The following TEX2 variants were observed in gnomAD, a reference collection of about 807,000 sequenced individuals.
The protein encoded by TEX2 is testis-expressed protein 2.
In TEX2, 53 loss-of-function variants were observed where a neutral mutation model predicts 106.9. The observed-to-expected ratio is 0.50, with a 90% CI of 0.40 to 0.62. The LOEUF is 0.62. TEX2 is among the 20% of genes least tolerant of loss of function. TEX2 has a pLI of 0.00. For synonymous variants in TEX2, 523 were observed against 534.8 expected, an observed-to-expected ratio of 0.98 and a Z score of 0.30; for missense variants, 1,207 against 1,379.0, an observed-to-expected ratio of 0.88 and a Z score of 1.98.
intron 2 of TEX2, among the ~76,000 whole-genome samples, chr17:64,208,428 G>T (rs1555631092): frequency 6.6e-6 from 1 of 151,636 alleles, no homozygotes; most frequent in East Asian, 2.0e-4. Flanking sequence ...TTATAGAGAT[G>T]GTGGTCCCAC....
chr17:64,220,106 A>T (rs1261432863), intron 1 of TEX2, among the ~76,000 whole-genome samples: 2 of 152,228 alleles, frequency 1.3e-5, no homozygotes, highest in African/African-American at 4.8e-5. Flanking sequence ...GGAGGGGAAG[A>T]AAATATCTGC....
chr17:64,260,704 T>C (rs1555638428), intron 1 of TEX2, among the ~76,000 whole-genome samples: 2 of 152,218 alleles, frequency 1.3e-5, no homozygotes, highest in Admixed American at 1.3e-4. Context: ...CTCTTTTCTA[T>C]ACTAGTCTTC....
intron 1 of TEX2, among the ~76,000 whole-genome samples, chr17:64,228,169 T>C (rs1334943849): frequency 6.6e-6 from 1 of 152,108 alleles, no homozygotes; most frequent in African/African-American, 2.4e-5. Flanking sequence ...ATAAAAAATA[T>C]ATAATTTCAA....
At chr17:64,232,328 C>CT (rs2033677267) in intron 1 of TEX2, among the ~76,000 whole-genome samples, 1 of 152,004 alleles carries the variant, frequency 6.6e-6, no homozygotes, top group Non-Finnish European at 1.5e-5. Context: ...TCATCAACCT[C>CT]TTTTTTTTCT....
rs2033213763 is a variant in TEX2 at position 64,217,298 on chromosome 17, A to T, written c.-25-3056T>A. Among the ~76,000 whole-genome samples the T allele has an allele frequency of 6.6e-6, 1 of 152,138 alleles. No individual in the cohort carries two copies. Among genetic ancestry groups the T allele is most frequent in the Non-Finnish European group, 1.5e-5 (1 of 68,026 alleles). ...TCCCAGTGGCTGGCTGCTAAGGCCAACTGAGCCGACCCTCCCACAGCCACA... is the reference window on the plus strand; with the variant it reads ...TCCCAGTGGCTGGCTGCTAAGGCCATCTGAGCCGACCCTCCCACAGCCACA... On this transcript the variant is annotated intron_variant, in intron 1 of 11. Coordinates refer to ENST00000584379, the MANE Select transcript of TEX2 (RefSeq NM_001288732.2). The surrounding 1 kb of genome is among the most constrained non-coding windows in gnomAD (Gnocchi z 4.3).
Position 64,213,852 on chromosome 17 carries a change from T to G in TEX2, c.366A>C (p.Pro122=), listed in dbSNP as rs782128818. Residue 122 remains proline (P), a synonymous_variant, in exon 2 of 12, where the codon CCA becomes CCC. Transcript: ENST00000584379. This position sits in a 1 kb window ranked among gnomAD's most constrained non-coding sequence, Gnocchi z 4.4. ...GCACTGTACTTAATACTTGTGCTGC[T>G]GGAACAGGGGACTCCAACAGCTTTA... The part of the protein sequence containing the change: ...NTVKLLESPV[P]AAQVLSTVPL... The G allele has an allele frequency of 1.2e-6, 2 of 1,614,210 alleles. No individual in the cohort carries two copies. Among genetic ancestry groups the G allele is most frequent in the Admixed American group, 1.7e-5 (1 of 60,018 alleles).
At chr17:64,163,923 C>T (rs1453241512) in intron 7 of TEX2, among the ~76,000 whole-genome samples, 1 of 152,196 alleles carries the variant, frequency 6.6e-6, no homozygotes, top group African/African-American at 2.4e-5. Context: ...ACTGAAAATA[C>T]TTTCTATAAC....
chr17:64,178,004 G>T (rs968796762), intron 5 of TEX2, among the ~76,000 whole-genome samples: 1 of 152,112 alleles, frequency 6.6e-6, no homozygotes, highest in African/African-American at 2.4e-5. Context: ...GATTTCAGTG[G>T]GCATCAGGAG....
chr17:64,214,015 C>T lies in TEX2; in HGVS notation c.203G>A (p.Gly68Glu). 1 of 1,614,206 alleles carries T rather than the reference C, an allele frequency of 6.2e-7. No individual in the cohort carries two copies. Among genetic ancestry groups the T allele is most frequent in the Non-Finnish European group, 8.5e-7 (1 of 1,180,036 alleles). Residue 68 changes from glycine (G) to glutamate (E), a missense_variant, in exon 2 of 12, where the codon GGG becomes GAG. Gly to Glu is a moderately conservative substitution (Grantham distance 98). This residue lies in a region of TEX2 where 1,067 missense variants were observed against 1,193.6 expected (regional missense o/e 0.89). Transcript: ENST00000584379. ...ATAGAGGTCTTCCTTGGCTTCCAGC[C>T]CTGTTACAATGCTTTGGTCATCCAG... Reference protein sequence around the residue: ...EGLDDQSIVTGLEAKEDLYLE... With the variant: ...EGLDDQSIVTELEAKEDLYLE...
intron 1 of TEX2, among the ~76,000 whole-genome samples, chr17:64,258,297 T>C (rs2034223008): frequency 6.6e-6 from 1 of 152,102 alleles, no homozygotes; most frequent in South Asian, 2.1e-4. Context: ...TATACATGCA[T>C]AGGAAAAAAA....
chr17:64,205,474 C>T lies in TEX2; in HGVS notation c.1644+7100G>A, dbSNP rs965656614. On this transcript the variant is annotated intron_variant, in intron 2 of 11. Transcript: ENST00000584379. This position sits in a 1 kb window ranked among gnomAD's most constrained non-coding sequence, Gnocchi z 4.0. ...TATAATGTAGAAAGAAATGCACTCACATTTCTTGTCCTTACTCTAAGTTAT... is the reference window on the plus strand; with the variant it reads ...TATAATGTAGAAAGAAATGCACTCATATTTCTTGTCCTTACTCTAAGTTAT... Among the ~76,000 whole-genome samples, 8 of 152,176 alleles carry T rather than the reference C, an allele frequency of 5.3e-5. No homozygotes were observed. The highest frequency in any genetic ancestry group is 1.2e-4 in the Non-Finnish European group (8 of 68,032).
At chr17:64,236,541 A>C (rs1417082634) in intron 1 of TEX2, among the ~76,000 whole-genome samples, 1 of 152,200 alleles carries the variant, frequency 6.6e-6, no homozygotes, top group Non-Finnish European at 1.5e-5. Flanking sequence ...TGTCTCAAAA[A>C]ATTAATTAAT....
chr17:64,240,233 ATGTGTG>A (rs67965706), intron 1 of TEX2, among the ~76,000 whole-genome samples: 7 of 147,320 alleles, frequency 4.8e-5, no homozygotes, highest in Non-Finnish European at 9.0e-5. Context: ...GTATATGCAG[ATGTGTG>A]TGTGTGTGTG....
Position 64,153,285 on chromosome 17 carries a change from G to T in TEX2, c.2931-131C>A. On this transcript the variant is annotated intron_variant, in intron 9 of 11. Transcript: ENST00000584379. This position sits in a 1 kb window ranked among gnomAD's most constrained non-coding sequence, Gnocchi z 4.1. The stretch of plus-strand genomic sequence containing the variant: ...TTGGATGTGGTGATTCTGTGTTGGG[G>T]CGGGGGGCATCCTGTGCATTGCAGG... 1 of 671,768 alleles carries T rather than the reference G, an allele frequency of 1.5e-6. No individual in the cohort carries two copies. Among genetic ancestry groups the T allele is most frequent in the Non-Finnish European group, 2.6e-6 (1 of 390,302 alleles). 41.6% of individuals were successfully genotyped at this position (671,768 alleles called of 1,614,324 possible).
chr17:64,244,408 C>T lies in TEX2; in HGVS notation c.-26+18760G>A, dbSNP rs527531591. 5.9e-5 allele frequency among the ~76,000 whole-genome samples: 9 copies of T among 152,292 alleles called. No homozygotes were observed. The South Asian group carries it at 1.4e-3, about 25-fold the overall frequency. On this transcript the variant is annotated intron_variant, in intron 1 of 11. Coordinates refer to ENST00000584379, the MANE Select transcript of TEX2 (RefSeq NM_001288732.2). ...AGGGTTTGGATTCTTGAATTTGCCT[C>T]GCACTCATGGATGTTGACATTGTCC...
chr17:64,257,375 G>A (rs1431474184), intron 1 of TEX2, among the ~76,000 whole-genome samples: 2 of 152,216 alleles, frequency 1.3e-5, no homozygotes, highest in African/African-American at 4.8e-5. Flanking sequence ...TGCAATAAGA[G>A]TTAATTCTTT....
chr17:64,238,577 A>C (rs1389774822), intron 1 of TEX2, among the ~76,000 whole-genome samples: 5 of 152,346 alleles, frequency 3.3e-5, no homozygotes, highest in Admixed American at 2.0e-4. Flanking sequence ...CAATCACGGC[A>C]GGAGACACCT....
intron 1 of TEX2, among the ~76,000 whole-genome samples, chr17:64,261,331 T>C (rs566837649): frequency 6.6e-6 from 1 of 152,366 alleles, no homozygotes; most frequent in South Asian, 2.1e-4. Flanking sequence ...AACTGCTTTT[T>C]GTCCAAAACA....
At position 64,218,405 on chromosome 17, in the gene TEX2, CTTTTTTTTTTTT is replaced by C. The variant is rs10526886; in HGVS notation, c.-25-4175_-25-4164del. 1.8e-3 allele frequency among the ~76,000 whole-genome samples: 218 copies of C among 120,612 alleles called. 3 individuals carry two copies. Among genetic ancestry groups the C allele is most frequent in the Admixed American group, 2.6e-3 (32 of 12,356 alleles). 79.1% of individuals were successfully genotyped at this position (120,612 alleles called of 152,430 possible). A position where few individuals can be genotyped will look rare whatever the true frequency, so the allele number is the denominator to read the frequency against. Reference sequence around the variant, plus strand: ...CCTAGTCTGGCAAAGGACACTTTCACTTTTTTTTTTTTTTTTTTTTTTTTTTTTTTAAAGACA... The same window carrying C: ...CCTAGTCTGGCAAAGGACACTTTCACTTTTTTTTTTTTTTTTTTAAAGACA... On this transcript the variant is annotated intron_variant, in intron 1 of 11. Transcript: ENST00000584379.
Sources: allele counts gnomAD v4.1 joint callset (sites outside exome capture counted in the v4.1 genomes callset), GRCh38; gene constraint gnomAD v4.1.1; regional missense constraint gnomAD v4.1.1; non-coding constraint Gnocchi (gnomAD v3.1); transcripts MANE v1.5; gene names NCBI Gene and HGNC (gene_info 2026-07-23, HGNC 2026-07-21).